The following PRDX5 variants were observed in gnomAD, a reference collection of about 807,000 sequenced individuals.
PRDX5 encodes the protein peroxiredoxin-5, mitochondrial.
In PRDX5, 21 loss-of-function variants were observed where a neutral mutation model predicts 23.8. That is an observed-to-expected ratio of 0.88 (90% CI 0.63 to 1.27). The LOEUF is 1.27. Ranked by LOEUF, PRDX5 falls within the 50% of genes most tolerant of loss-of-function variation. The probability of loss-of-function intolerance (pLI) is 0.00; values close to 1 mark genes in which losing one functional copy is unlikely to be tolerated. For missense variants in PRDX5, 261 were observed against 270.6 expected (o/e 0.96, Z 0.25); for synonymous variants, 111 against 113.3 (o/e 0.98, Z 0.13).
At chr11:64,321,131 AGTCCTCTGTGGAGAGG>A (rs1385432056) in intron 5 of PRDX5, 63 bp downstream of exon 5, 1 of 1,293,600 alleles carries the variant, frequency 7.7e-7, no homozygotes, top group Non-Finnish European at 1.0e-6. Flanking sequence ...TGTGGGAGAG[AGTCCTCTGTGGAGAGG>A]GTCCTCTGTG....
chr11:64,320,547 C>T lies in PRDX5; in HGVS notation c.307-114C>T, dbSNP rs183432931. 158 of 1,436,236 alleles carry T rather than the reference C, an allele frequency of 1.1e-4. 3 individuals carry two copies. In the African/African-American group the frequency reaches 1.7e-3, roughly 16 times the overall value. The allele number at this position is 1,436,236 out of a possible 1,614,324, so 89.0% of individuals were successfully genotyped here. ...GAAATAGAATGGTTTAGACAGCTCTCATTGTCTGATCAAAGGTGTTGAGGC... is the reference window on the plus strand; with the variant it reads ...GAAATAGAATGGTTTAGACAGCTCTTATTGTCTGATCAAAGGTGTTGAGGC... On this transcript the variant is annotated intron_variant, in intron 2 of 5. Coordinates refer to ENST00000265462, the MANE Select transcript of PRDX5 (RefSeq NM_012094.5).
chr11:64,319,967 G>A, intron 2 of PRDX5, 99 bp downstream of exon 2: 2 of 1,481,302 alleles, frequency 1.4e-6, no homozygotes, highest in Non-Finnish European at 1.8e-6. Flanking sequence ...AAGCATTTCA[G>A]TGCCATCACA....
chr11:64,318,603 T>G (rs2035392375), intron 1 of PRDX5, among the ~76,000 whole-genome samples: 2 of 151,984 alleles, frequency 1.3e-5, no homozygotes, highest in South Asian at 4.2e-4. Flanking sequence ...GTGTTTTTTG[T>G]TTTTTGTTTT....
chr11:64,318,494 C>G, intron 1 of PRDX5, 108 bp downstream of exon 1: 1 of 1,397,502 alleles, frequency 7.2e-7, no homozygotes, highest in Non-Finnish European at 9.6e-7. Context: ...GACCCCTCCC[C>G]TCCGCCCGCC....
intron 2 of PRDX5, among the ~76,000 whole-genome samples, chr11:64,320,133 A>T (rs1316909765): frequency 2.6e-5 from 4 of 152,214 alleles, no homozygotes; most frequent in Non-Finnish European, 5.9e-5. Flanking sequence ...CAAAAAAATC[A>T]GCCGGACATG....
At chr11:64,320,951 G>GT in intron 4 of PRDX5, 48 bp downstream of exon 4, 1 of 1,613,928 alleles carries the variant, frequency 6.2e-7, no homozygotes, top group Admixed American at 1.7e-5. Context: ...GCGGGGAGCA[G>GT]TGGGGGCCCT....
rs779991462 is a variant in PRDX5 at position 64,318,380 on chromosome 11, A to G, written c.165A>G (p.Pro55=). The change falls in exon 1 of 6, where the codon CCA becomes CCG. Residue 55 remains proline (P), a synonymous_variant. Transcript: ENST00000265462. ...GCAGAGCCGCTGCAGCCATGGCCCC[A>G]ATCAAGGTGACCGCTGGCCCGGCCG... ...SFSRAAAAMA[P]IKVGDAIPAV... is the part of the protein sequence containing the mutation. 1.9e-6 allele frequency: 3 copies of G among 1,606,516 alleles called. No individual in the cohort carries two copies. The highest frequency in any genetic ancestry group is 2.5e-6 in the Non-Finnish European group (3 of 1,177,372).
At position 64,319,858 on chromosome 11, in the gene PRDX5, G is replaced by A; in HGVS notation, c.296G>A (p.Gly99Glu). 1.2e-6 allele frequency: 2 copies of A among 1,614,076 alleles called. No homozygotes were observed. The highest frequency in any genetic ancestry group is 1.7e-6 in the Non-Finnish European group (2 of 1,179,962). ...GGAGTTCCTGGGGCCTTCACCCCTG[G>A]ATGTTCCAAGGTGAGGCCCTTCCCC... The part of the protein sequence containing the change: ...LFGVPGAFTP[G>E]CSKTHLPGFV... The change falls in exon 2 of 6, where the codon GGA (glycine) becomes GAA (glutamate). Residue 99 changes from glycine (G) to glutamate (E), a missense_variant. Physicochemically the swap from Gly to Glu is moderately conservative, Grantham distance 98 (BLOSUM62 -2). Transcript: ENST00000265462.
intron 2 of PRDX5, 52 bp downstream of exon 2, chr11:64,319,920 C>T (rs751963021): frequency 7.5e-6 from 12 of 1,599,992 alleles, no homozygotes; most frequent in South Asian, 1.1e-5. Flanking sequence ...TTGTGTTGCT[C>T]TTAAGTCCTC....
At chr11:64,321,271 TG>T (rs1161713285) in intron 5 of PRDX5, among the ~76,000 whole-genome samples, 1 of 141,080 alleles carries the variant, frequency 7.1e-6, no homozygotes, top group African/African-American at 2.7e-5. Context: ...GAGTCCTGTG[TG>T]GGGGAGAGTC....
chr11:64,318,210 G>A lies in PRDX5; in HGVS notation c.-6G>A, dbSNP rs755560689. ...GAGGCGGAGTGGAAGTGGCCGTGGG[G>A]CGGGTATGGGACTAGCTGGCGTGTG... On this transcript the variant is annotated 5_prime_UTR_variant, in exon 1 of 6. Transcript: ENST00000265462. 1.2e-6 allele frequency: 2 copies of A among 1,611,312 alleles called. No individual in the cohort carries two copies. Among genetic ancestry groups the A allele is most frequent in the Non-Finnish European group, 1.7e-6 (2 of 1,179,612 alleles).
rs777214046 is a variant in PRDX5, at chr11:64,318,170, G to T, written c.-46G>T. 9 of 1,607,464 alleles carry T rather than the reference G, an allele frequency of 5.6e-6. No homozygotes were observed. Among genetic ancestry groups the T allele is most frequent in the Non-Finnish European group, 6.8e-6 (8 of 1,178,034 alleles). ...CCGCTAGCGGTGCCCCGCCTGCTGC[G>T]GTGGCACCAGCCAGGAGGCGGAGTG... On this transcript the variant is annotated 5_prime_UTR_variant, in exon 1 of 6. Transcript: ENST00000265462.
chr11:64,321,474 G>T (rs534510461), intron 5 of PRDX5, 112 bp from the exon 6 acceptor site: 16 of 1,505,048 alleles, frequency 1.1e-5, no homozygotes, highest in South Asian at 7.8e-5. Context: ...AGTCCTCTGT[G>T]GGGGGAGTCC....
Position 64,320,834 on chromosome 11 carries a change from ATTC to A in PRDX5, c.439-25_439-23del. 7.4e-6 allele frequency: 12 copies of A among 1,614,194 alleles called. No homozygotes were observed. In the Middle Eastern group the frequency reaches 6.6e-4, roughly 89 times the overall value. ...GCAGGGAGTCAGGACCAGGTAGGAT[ATTC>A]TTCTTGTGACCTTTACTTTCTCTGC... is the stretch of plus-strand genomic sequence containing the variant. On this transcript the variant is annotated intron_variant, in intron 3 of 5. Transcript: ENST00000265462.
Position 64,321,063 on chromosome 11 carries a change from C to G in PRDX5, c.534C>G (p.Leu178=), listed in dbSNP as rs373391857. The change falls in exon 5 of 6, where the codon CTC becomes CTG. Residue 178 remains leucine, a synonymous_variant. Transcript: ENST00000265462. The part of the protein sequence containing the change: ...SLVSIFGNRR[L]KRFSMVVQDG... ...TGTCCATCTTTGGGAATCGACGTCT[C>G]AAGAGGTAAAAGTGGAGAGTCCTCT... The G allele has an allele frequency of 2.4e-5, 39 of 1,613,400 alleles. No individual in the cohort carries two copies. The highest frequency in any genetic ancestry group is 3.1e-5 in the Non-Finnish European group (37 of 1,179,770).
chr11:64,318,542 C>G (rs890708652), intron 1 of PRDX5, among the ~76,000 whole-genome samples, 156 bp downstream of exon 1: 2 of 152,198 alleles, frequency 1.3e-5, no homozygotes, highest in Non-Finnish European at 2.9e-5. Flanking sequence ...GGCTGCCCAC[C>G]TTTCTCGCCA....
chr11:64,319,721 T>C lies in PRDX5; in HGVS notation c.172-13T>C, dbSNP rs754988677. ...CTCCCTCACCCCCCTTACCCTGGAGTCCTTCCTTCTAGGTGGGAGATGCCA... is the reference window on the plus strand; with the variant it reads ...CTCCCTCACCCCCCTTACCCTGGAGCCCTTCCTTCTAGGTGGGAGATGCCA... On this transcript the variant is annotated splice_polypyrimidine_tract_variant and intron_variant, in intron 1 of 5. Coordinates refer to ENST00000265462, the MANE Select transcript of PRDX5 (RefSeq NM_012094.5). 11 of 1,611,798 alleles carry C rather than the reference T, an allele frequency of 6.8e-6. No individual in the cohort carries two copies. In the East Asian group the frequency reaches 2.5e-4, roughly 36 times the overall value.
At chr11:64,319,230 T>A (rs1245123792) in intron 1 of PRDX5, among the ~76,000 whole-genome samples, 2 of 151,684 alleles carry the variant, frequency 1.3e-5, no homozygotes, top group African/African-American at 4.8e-5. Context: ...TTCAAAAGAT[T>A]CCTTCTTTTG....
chr11:64,318,581 TC>T (rs1320482859), intron 1 of PRDX5, among the ~76,000 whole-genome samples, 195 bp downstream of exon 1: 3 of 151,910 alleles, frequency 2.0e-5, no homozygotes, highest in African/African-American at 7.3e-5. Flanking sequence ...CCCGGGACAG[TC>T]CCGAGGCATT....
Sources: allele counts gnomAD v4.1 joint callset (sites outside exome capture counted in the v4.1 genomes callset), GRCh38; gene constraint gnomAD v4.1.1; transcripts MANE v1.5; gene names NCBI Gene and HGNC (gene_info 2026-07-23, HGNC 2026-07-21).